Variants in FBXL17 observed in about 807,000 individuals in gnomAD.
FBXL17 encodes the protein F-box and leucine rich repeat protein 17.
A neutral mutation model predicts 66.2 loss-of-function variants in FBXL17; 22 were observed. The ratio of observed to expected loss-of-function variants is 0.33; its 90% CI spans 0.24 to 0.47. FBXL17 has a LOEUF of 0.47. Ranked by LOEUF, FBXL17 falls within the 20% of genes least tolerant of loss-of-function variation. The pLI is 1.00. For missense variants in FBXL17, 878 were observed against 948.2 expected (o/e 0.93, Z 0.97); for synonymous variants, 474 against 400.5 (o/e 1.18, Z -2.19).
intron 7 of FBXL17, among the ~76,000 whole-genome samples, chr5:107,998,615 G>A (rs1012799253): frequency 4.6e-5 from 7 of 151,850 alleles, no homozygotes; most frequent in Non-Finnish European, 7.4e-5. Flanking sequence ...CTGATAAGGT[G>A]TCACCAGAAT....
chr5:107,965,627 T>C (rs899446927), intron 7 of FBXL17, among the ~76,000 whole-genome samples: 1 of 152,186 alleles, frequency 6.6e-6, no homozygotes, highest in African/African-American at 2.4e-5. Flanking sequence ...GGATGTTAGA[T>C]AGAATGTTTC....
chr5:108,332,941 C>CAAAAAAAAAAAAAAAAAAAAAAAA (rs34218940), intron 4 of FBXL17, among the ~76,000 whole-genome samples: 8 of 34,760 alleles, frequency 2.3e-4, no homozygotes, highest in East Asian at 9.7e-4. Flanking sequence ...AAAGCAAAAG[C>CAAAAAAAAAAAAAAAAAAAAAAAA]AAAAAAAAAA....
chr5:108,058,931 A>G (rs1044178257), intron 6 of FBXL17, among the ~76,000 whole-genome samples: 5 of 152,134 alleles, frequency 3.3e-5, no homozygotes, highest in African/African-American at 1.2e-4. Flanking sequence ...GAAGAGCCCA[A>G]ATCATCATTT....
intron 7 of FBXL17, among the ~76,000 whole-genome samples, chr5:107,929,536 G>A (rs1359485117): frequency 6.6e-6 from 1 of 152,100 alleles, no homozygotes; most frequent in Admixed American, 6.6e-5. Flanking sequence ...ATTTATTCTG[G>A]TATTGAGAGT....
intron 7 of FBXL17, among the ~76,000 whole-genome samples, chr5:107,919,815 C>G (rs933943119): frequency 5.9e-5 from 9 of 152,308 alleles, no homozygotes; most frequent in African/African-American, 2.2e-4. Context: ...CATCATTTTT[C>G]TCCAGATCAC....
intron 8 of FBXL17, among the ~76,000 whole-genome samples, chr5:107,866,603 G>A (rs1011785432): frequency 1.3e-5 from 2 of 152,120 alleles, no homozygotes; most frequent in Non-Finnish European, 2.9e-5. Context: ...ATTAATTTCC[G>A]CAGAAAGTTC....
In FBXL17 at chr5:107,859,931, G is replaced by C. The variant is rs2112474708; in HGVS notation, c.*1789C>G. 6.6e-6 allele frequency: 1 copy of C among 152,162 alleles called. No individual in the cohort carries two copies. Among genetic ancestry groups the C allele is most frequent in the East Asian group, 1.9e-4 (1 of 5,204 alleles). 9.4% of individuals were successfully genotyped at this position (152,162 alleles called of 1,614,324 possible). The stretch of plus-strand genomic sequence containing the variant: ...GAAAATGATACAGTTCAATGTGTAA[G>C]AAGAAATATAGTTTATTAATGTTAA... On this transcript the variant is annotated 3_prime_UTR_variant, in exon 9 of 9. Transcript: ENST00000542267.
intron 6 of FBXL17, among the ~76,000 whole-genome samples, chr5:108,036,231 T>C (rs1364870768): frequency 6.6e-6 from 1 of 152,202 alleles, no homozygotes; most frequent in Non-Finnish European, 1.5e-5. Flanking sequence ...TCATATATTC[T>C]TCATAACTTT....
At chr5:107,922,757 G>A (rs1340657812) in intron 7 of FBXL17, among the ~76,000 whole-genome samples, 1 of 152,150 alleles carries the variant, frequency 6.6e-6, no homozygotes, top group Non-Finnish European at 1.5e-5. Flanking sequence ...AATATAACAG[G>A]CAGAAACCTA....
chr5:107,870,802 G>T (rs1174883696), intron 8 of FBXL17, among the ~76,000 whole-genome samples: 1 of 151,374 alleles, frequency 6.6e-6, no homozygotes, highest in Admixed American at 6.6e-5. Flanking sequence ...AACCAGGATG[G>T]TCTCAATCTC....
Position 108,161,483 on chromosome 5 carries a change from C to CACAA in FBXL17, c.1745+24633_1745+24634insTTGT, listed in dbSNP as rs1373689761. 1.3e-4 allele frequency among the ~76,000 whole-genome samples: 11 copies of CACAA among 86,424 alleles called. No homozygotes were observed. In the East Asian group the frequency reaches 8.6e-3, roughly 68 times the overall value. The allele number at this position is 86,424 out of a possible 152,430, so 56.7% of individuals were successfully genotyped here. On this transcript the variant is annotated intron_variant, in intron 6 of 8. Coordinates refer to ENST00000542267, the MANE Select transcript of FBXL17 (RefSeq NM_001163315.3). ...CCTGGGCGACAGCGGAAGACTCTGTCTCAAACAAACAAACAAAAAAACCCA... is the reference window on the plus strand; with the variant it reads ...CCTGGGCGACAGCGGAAGACTCTGTCACAATCAAACAAACAAACAAAAAAACCCA...
intron 4 of FBXL17, among the ~76,000 whole-genome samples, chr5:108,344,300 G>T (rs940470632): frequency 1.3e-5 from 2 of 152,098 alleles, no homozygotes; most frequent in Non-Finnish European, 2.9e-5. Flanking sequence ...AGAAGTCACA[G>T]AATTATAAAA....
chr5:107,977,481 TCA>T (rs1188331177), intron 7 of FBXL17, among the ~76,000 whole-genome samples: 1 of 152,220 alleles, frequency 6.6e-6, no homozygotes, highest in African/African-American at 2.4e-5. Flanking sequence ...TTGCTTAAGT[TCA>T]CACATAGATA....
intron 5 of FBXL17, among the ~76,000 whole-genome samples, chr5:108,203,506 A>C (rs1450823370): frequency 2.6e-5 from 4 of 152,194 alleles, no homozygotes; most frequent in Non-Finnish European, 5.9e-5. Flanking sequence ...AAAAGCTAAA[A>C]AGTAGCAAAA....
chr5:108,337,229 C>T (rs1451330966), intron 4 of FBXL17, among the ~76,000 whole-genome samples: 2 of 149,360 alleles, frequency 1.3e-5, no homozygotes, highest in African/African-American at 5.0e-5. Flanking sequence ...GCACTCCAGC[C>T]TGGGTGACAG....
chr5:108,195,469 T>C (rs1321396058), intron 5 of FBXL17, among the ~76,000 whole-genome samples: 1 of 152,124 alleles, frequency 6.6e-6, no homozygotes, highest in African/African-American at 2.4e-5. Context: ...GAATGAAGAC[T>C]AGCAGGAGAC....
intron 6 of FBXL17, among the ~76,000 whole-genome samples, chr5:108,080,661 A>C (rs1748726103): frequency 6.6e-6 from 1 of 152,186 alleles, no homozygotes; most frequent in Admixed American, 6.5e-5. Context: ...GTACACATAC[A>C]TTGGTTCAGT....
intron 6 of FBXL17, among the ~76,000 whole-genome samples, chr5:108,132,957 T>C (rs934941887): frequency 6.6e-5 from 10 of 151,986 alleles, no homozygotes; most frequent in African/African-American, 2.4e-4. Context: ...ATATTAGCAA[T>C]GGGAAAAATA....
intron 8 of FBXL17, among the ~76,000 whole-genome samples, chr5:107,870,157 A>G (rs990721196): frequency 2.6e-5 from 4 of 152,126 alleles, no homozygotes; most frequent in African/African-American, 9.7e-5. Flanking sequence ...GGTGAGAACT[A>G]CTGGTTTAAA....
Sources: allele counts gnomAD v4.1 joint callset (sites outside exome capture counted in the v4.1 genomes callset), GRCh38; gene constraint gnomAD v4.1.1; transcripts MANE v1.5; gene names NCBI Gene and HGNC (gene_info 2026-07-23, HGNC 2026-07-21).